BACH2: variants seen among roughly 807,000 people sequenced by gnomAD.
BACH2 encodes the protein transcription regulator protein BACH2.
BACH2 carries 5 observed loss-of-function variants against 61.8 expected under a neutral mutation model. The ratio of observed to expected loss-of-function variants is 0.08; its 90% confidence interval spans 0.04 to 0.17. The LOEUF (loss-of-function observed/expected upper bound fraction) is 0.17, where lower values mean the gene tolerates loss of function less well. BACH2 is among the 10% of genes least tolerant of loss of function. BACH2 has a pLI of 1.00. For synonymous variants in BACH2, 446 were observed against 440.1 expected (o/e 1.01, Z -0.17); for missense variants, 824 against 1,091.1 (o/e 0.76, Z 3.45).
At chr6:90,164,232 A>G (rs1767524081) in intron 4 of BACH2, among the ~76,000 whole-genome samples, 1 of 152,246 alleles carries the variant, frequency 6.6e-6, no homozygotes, top group Non-Finnish European at 1.5e-5. Flanking sequence ...TAAAGGGGAT[A>G]TCACCACTGA....
chr6:89,954,779 C>T (rs945707747), intron 6 of BACH2, among the ~76,000 whole-genome samples: 1 of 152,058 alleles, frequency 6.6e-6, no homozygotes, highest in Non-Finnish European at 1.5e-5. Flanking sequence ...AAATCAATGG[C>T]ACTCCTTAGA....
chr6:90,237,308 C>A (rs1770292284), intron 3 of BACH2, among the ~76,000 whole-genome samples: 1 of 152,190 alleles, frequency 6.6e-6, no homozygotes. Context: ...CCTCAACAAA[C>A]AATTAAATGT....
At chr6:90,147,055 G>A (rs1784643816) in intron 4 of BACH2, among the ~76,000 whole-genome samples, 1 of 151,840 alleles carries the variant, frequency 6.6e-6, no homozygotes, top group South Asian at 2.1e-4. Context: ...GAATATGGCA[G>A]AAACAGTAAG....
intron 5 of BACH2, among the ~76,000 whole-genome samples, chr6:90,028,941 G>C (rs1007322392): frequency 2.6e-5 from 4 of 152,198 alleles, no homozygotes; most frequent in Non-Finnish European, 4.4e-5. Flanking sequence ...TTACGTGTTT[G>C]TTTGTTCATT....
chr6:90,174,637 G>A (rs1161908709), intron 4 of BACH2, among the ~76,000 whole-genome samples: 1 of 151,914 alleles, frequency 6.6e-6, no homozygotes, highest in African/African-American at 2.4e-5. Flanking sequence ...AAGCCAATAA[G>A]GTTTCCATAT....
rs535795171 is a variant in BACH2 at position 90,243,643 on chromosome 6, C to G, written c.-275+8870G>C. Among the ~76,000 whole-genome samples, 10 of 152,286 alleles carry G rather than the reference C, an allele frequency of 6.6e-5. No homozygotes were observed. The East Asian group carries it at 1.9e-3, about 29-fold the overall frequency. ...ATATTACAGAGTAATTACTGAATCT[C>G]TTTTTCCTATGAATTTTAAAGTTTG... On this transcript the variant is annotated intron_variant, in intron 3 of 8. Transcript: ENST00000257749.
At chr6:89,982,996 A>C (rs1166290141) in intron 6 of BACH2, among the ~76,000 whole-genome samples, 1 of 152,250 alleles carries the variant, frequency 6.6e-6, no homozygotes, top group African/African-American at 2.4e-5. Context: ...GAGACCAAGA[A>C]GGCAGGGACC....
chr6:90,258,980 T>C (rs955204054), intron 2 of BACH2, among the ~76,000 whole-genome samples: 18 of 152,080 alleles, frequency 1.2e-4, no homozygotes, highest in East Asian at 1.9e-4. Flanking sequence ...GGGGCTTTTT[T>C]CCCCCCCTAC....
At chr6:90,042,475 C>G (rs1361932491) in intron 5 of BACH2, among the ~76,000 whole-genome samples, 1 of 151,894 alleles carries the variant, frequency 6.6e-6, no homozygotes, top group Non-Finnish European at 1.5e-5. Flanking sequence ...GCTGGAATTA[C>G]AGGCACGACC....
At chr6:90,209,746 C>A (rs6919430) in intron 3 of BACH2, among the ~76,000 whole-genome samples, 2,004 of 152,308 alleles carry the variant, frequency 0.013, 54 homozygotes, top group African/African-American at 0.046. Flanking sequence ...ATAGCTTGCA[C>A]TAAACTGATT....
intron 5 of BACH2, among the ~76,000 whole-genome samples, chr6:90,057,639 C>T (rs1179976889): frequency 6.6e-6 from 1 of 152,208 alleles, no homozygotes; most frequent in Non-Finnish European, 1.5e-5. Context: ...CCAGCATCAT[C>T]CTGACACCAA....
At chr6:89,970,699 G>GC (rs141542844) in intron 6 of BACH2, among the ~76,000 whole-genome samples, 6,242 of 151,654 alleles carry the variant, frequency 0.041, 399 homozygotes, top group African/African-American at 0.14. Context: ...TTTGTTTCTG[G>GC]CCCCCCCCAG....
chr6:89,941,699 A>C (rs544773142), intron 7 of BACH2, among the ~76,000 whole-genome samples: 1 of 152,314 alleles, frequency 6.6e-6, no homozygotes, highest in South Asian at 2.1e-4. Context: ...GGATGTTCCA[A>C]CACAGCAGAG....
chr6:90,019,273 G>T (rs1312167046), intron 5 of BACH2, among the ~76,000 whole-genome samples: 2 of 152,118 alleles, frequency 1.3e-5, no homozygotes, highest in East Asian at 3.8e-4. Context: ...ACATATTAAT[G>T]TGCCTACACC....
At chr6:89,981,807 G>A (rs545310555) in intron 6 of BACH2, among the ~76,000 whole-genome samples, 15 of 152,248 alleles carry the variant, frequency 9.9e-5, no homozygotes, top group Middle Eastern at 3.4e-3. Flanking sequence ...TAGAGGAAGC[G>A]TGTGATTTGA....
At chr6:90,188,648 A>G (rs970446091) in intron 4 of BACH2, among the ~76,000 whole-genome samples, 6 of 152,016 alleles carry the variant, frequency 3.9e-5, no homozygotes, top group African/African-American at 1.2e-4. Context: ...ACTGAATAAA[A>G]TAATATAGCT....
chr6:90,068,446 G>C (rs1781066354), intron 5 of BACH2, among the ~76,000 whole-genome samples: 1 of 152,138 alleles, frequency 6.6e-6, no homozygotes, highest in Admixed American at 6.5e-5. Context: ...TCATGTGAAT[G>C]TCAGGACAAT....
intron 4 of BACH2, among the ~76,000 whole-genome samples, chr6:90,158,770 G>GT (rs968054776): frequency 3.3e-5 from 5 of 150,154 alleles, no homozygotes; most frequent in African/African-American, 4.9e-5. Context: ...TTTGGTGGGG[G>GT]GGGGGCACTT....
chr6:90,253,403 CTT>C (rs1770876190), intron 2 of BACH2, among the ~76,000 whole-genome samples: 1 of 152,148 alleles, frequency 6.6e-6, no homozygotes, highest in Non-Finnish European at 1.5e-5. Context: ...TTGAAAAAGA[CTT>C]TATTATGGCA....
Sources: gnomAD v4.1 joint callset for allele counts (sites outside exome capture counted in the v4.1 genomes callset) on GRCh38, gnomAD v4.1.1 for gene constraint, MANE v1.5 for transcripts, NCBI Gene and HGNC (gene_info 2026-07-23, HGNC 2026-07-21) for gene names.